The following PPP1R13B variants were observed in gnomAD, a reference collection of about 807,000 sequenced individuals.
PPP1R13B encodes the protein protein phosphatase 1 regulatory subunit 13B, also known as apoptosis-stimulating of p53 protein 1.
In PPP1R13B, 44 loss-of-function variants were observed where a neutral mutation model predicts 119.8. The observed-to-expected ratio is 0.37, with a 90% CI of 0.29 to 0.47. The LOEUF is 0.47. Among genes scored for constraint, PPP1R13B ranks in the 20% least tolerant of loss-of-function variants. The pLI is 0.99. For synonymous variants in PPP1R13B, 542 were observed against 561.5 expected, an observed-to-expected ratio of 0.97 and a Z score of 0.49; for missense variants, 1,227 against 1,413.5, an observed-to-expected ratio of 0.87 and a Z score of 2.12.
intron 1 of PPP1R13B, among the ~76,000 whole-genome samples, chr14:103,833,965 T>C (rs2086716519): frequency 6.6e-6 from 1 of 152,238 alleles, no homozygotes; most frequent in Non-Finnish European, 1.5e-5. Context: ...ACATGTTAAA[T>C]GCCTACCAGA....
chr14:103,757,701 T>C lies in PPP1R13B; in HGVS notation c.405A>G (p.Ala135=). The C allele has an allele frequency of 6.2e-7, 1 of 1,614,134 alleles. No homozygotes were observed. Among genetic ancestry groups the C allele is most frequent in the Non-Finnish European group, 8.5e-7 (1 of 1,179,986 alleles). The part of the protein sequence containing the change: ...ELTLSELQDM[A]ARQQQQIENQ... Reference sequence around the variant, plus strand: ...TTTCAATCTGCTGCTGTTGCCTAGCTGCCATATCTTGGAGCTCTGAGAGGG... The same window carrying C: ...TTTCAATCTGCTGCTGTTGCCTAGCCGCCATATCTTGGAGCTCTGAGAGGG... Residue 135 remains alanine (A), a synonymous_variant, in exon 5 of 17, where the codon GCA becomes GCG. Coordinates refer to ENST00000202556, the MANE Select transcript of PPP1R13B (RefSeq NM_015316.3).
At chr14:103,833,504 G>A (rs955882721) in intron 1 of PPP1R13B, among the ~76,000 whole-genome samples, 1 of 152,062 alleles carries the variant, frequency 6.6e-6, no homozygotes, top group African/African-American at 2.4e-5. Context: ...TTAGCTGGGT[G>A]TTGTTGTGCA....
chr14:103,790,876 G>A (rs992309067), intron 2 of PPP1R13B, among the ~76,000 whole-genome samples: 9 of 152,130 alleles, frequency 5.9e-5, no homozygotes, highest in Admixed American at 2.0e-4. Context: ...GTGTGATGGC[G>A]TGCCTGTAAT....
rs187303460 is a variant in PPP1R13B at position 103,809,477 on chromosome 14, T to C, written c.10-11959A>G. Among the ~76,000 whole-genome samples the C allele has an allele frequency of 2.6e-3, 396 of 152,162 alleles. 3 individuals are homozygous for C. Among genetic ancestry groups the C allele is most frequent in the Non-Finnish European group, 2.9e-3 (200 of 68,000 alleles). ...CAAGATGTGTCATGACTACAGGATA[T>C]AGAGGTGATACAGCTGACCACATTT... On this transcript the variant is annotated intron_variant, in intron 1 of 16. Coordinates refer to ENST00000202556, the MANE Select transcript of PPP1R13B (RefSeq NM_015316.3).
intron 1 of PPP1R13B, among the ~76,000 whole-genome samples, chr14:103,827,113 A>G (rs1431374887): frequency 6.6e-6 from 1 of 152,140 alleles, no homozygotes. Flanking sequence ...TCATGAGGTC[A>G]GGAGATCGAG....
chr14:103,797,509 T>C lies in PPP1R13B; in HGVS notation c.19A>G (p.Thr7Ala). MMPMIL[T>A]VFLSNNEQIL... is the part of the protein sequence containing the mutation. ...TGTTCATTGTTGCTCAAGAAAACAGTTAATATCATCTGTAAGACAAAAGAG... is the reference window on the plus strand; with the variant it reads ...TGTTCATTGTTGCTCAAGAAAACAGCTAATATCATCTGTAAGACAAAAGAG... Residue 7 changes from threonine (T) to alanine (A), a missense_variant, in exon 2 of 17, where the codon ACT becomes GCT. Transcript: ENST00000202556. 6.2e-7 allele frequency: 1 copy of C among 1,611,208 alleles called. No homozygotes were observed. The highest frequency in any genetic ancestry group is 8.5e-7 in the Non-Finnish European group (1 of 1,177,874).
At chr14:103,794,317 ATTTGTTT>A (rs2085701978) in intron 2 of PPP1R13B, among the ~76,000 whole-genome samples, 1 of 129,396 alleles carries the variant, frequency 7.7e-6, no homozygotes, top group Non-Finnish European at 1.6e-5. Context: ...GGGGGCAGTA[ATTTGTTT>A]TTTGTTTTTT....
rs539991229 is a variant in PPP1R13B at position 103,736,143 on chromosome 14, C to G, written c.3091G>C (p.Glu1031Gln). Residue 1031 changes from glutamate to glutamine, a missense_variant, in exon 16 of 17, where the codon GAG becomes CAG. Transcript: ENST00000202556. ...GACAGCTCGTCACTGTTCTGGGCCTCGTAGTCCCACAGAGCATACGCCACA... is the reference window on the plus strand; with the variant it reads ...GACAGCTCGTCACTGTTCTGGGCCTGGTAGTCCCACAGAGCATACGCCACA... ...KGVAYALWDY[E>Q]AQNSDELSFH... is the part of the protein sequence containing the mutation. 2 of 1,614,170 alleles carry G rather than the reference C, an allele frequency of 1.2e-6. No homozygotes were observed. Among genetic ancestry groups the G allele is most frequent in the South Asian group, 2.2e-5 (2 of 91,078 alleles).
Position 103,742,462 on chromosome 14 carries a change from C to T in PPP1R13B, c.1321-171G>A, listed in dbSNP as rs1003351322. On this transcript the variant is annotated intron_variant, in intron 10 of 16. Transcript: ENST00000202556. The surrounding 1 kb of genome is among the most constrained non-coding windows in gnomAD (Gnocchi z 4.9). ...ATTGCCTGTCTGCAAAAGTTCTGAC[C>T]GAAAGGTGTGTGTACTCGTGGGCTG... Among the ~76,000 whole-genome samples the T allele has an allele frequency of 5.3e-5, 8 of 152,264 alleles. No homozygotes were observed. In the Middle Eastern group the frequency reaches 0.017, roughly 324 times the overall value.
intron 1 of PPP1R13B, among the ~76,000 whole-genome samples, chr14:103,819,509 AAACAAAC>A (rs1417067416): frequency 9.0e-5 from 13 of 144,388 alleles, no homozygotes; most frequent in Non-Finnish European, 1.3e-4. Context: ...TAAAAAAAAC[AAACAAAC>A]AAAAAAAAAC....
At chr14:103,847,687 G>A (rs1236719376), upstream of PPP1R13B, 2 of 919,524 alleles carry the variant, frequency 2.2e-6, no homozygotes, top group South Asian at 9.9e-5. Context: ...GCGGGGGCGG[G>A]GAGAGGGGCG....
At chr14:103,786,792 T>C (rs1189773689) in intron 2 of PPP1R13B, among the ~76,000 whole-genome samples, 2 of 72,306 alleles carry the variant, frequency 2.8e-5, no homozygotes, top group African/African-American at 1.3e-4. Context: ...AAAAAAAGGC[T>C]GGTCATGGTG....
chr14:103,847,099 G>A (rs2087062568), intron 1 of PPP1R13B, 200 bp downstream of exon 1: 2 of 986,188 alleles, frequency 2.0e-6, no homozygotes, highest in Non-Finnish European at 2.4e-6. Flanking sequence ...AGGCGGCCCC[G>A]GCCCCGCGCT....
Position 103,740,834 on chromosome 14 carries a change from G to A in PPP1R13B, c.1823-241C>T, listed in dbSNP as rs1310824790. Among the ~76,000 whole-genome samples the A allele has an allele frequency of 6.6e-6, 1 of 152,194 alleles. No individual in the cohort carries two copies. Among genetic ancestry groups the A allele is most frequent in the African/African-American group, 2.4e-5 (1 of 41,442 alleles). On this transcript the variant is annotated intron_variant, in intron 11 of 16. Transcript: ENST00000202556. The surrounding 1 kb of genome is among the most constrained non-coding windows in gnomAD (Gnocchi z 4.6). ...TTTTACATTTGGGTTTCCAGAACTG[G>A]AGCTTTTTCAAAAGAAAAAAATAGG...
chr14:103,778,271 T>TTC (rs2085257078), intron 4 of PPP1R13B, among the ~76,000 whole-genome samples: 1 of 145,960 alleles, frequency 6.9e-6, no homozygotes, highest in African/African-American at 2.5e-5. Flanking sequence ...GACTTTTTTT[T>TTC]TTTTTTTTTT....
At position 103,738,362 on chromosome 14, in the gene PPP1R13B, A is replaced by C. The variant is rs1418488947; in HGVS notation, c.2864+317T>G. On this transcript the variant is annotated intron_variant, in intron 14 of 16. Transcript: ENST00000202556. This position sits in a 1 kb window ranked among gnomAD's most constrained non-coding sequence, Gnocchi z 5.6. ...GCTGAGGCTGCTTTTCACACGGAGC[A>C]CAGAGTGTGAAGAGTCCATACGGAA... The C allele has an allele frequency of 2.7e-6, 1 of 377,272 alleles. No individual in the cohort carries two copies. Among genetic ancestry groups the C allele is most frequent in the East Asian group, 5.6e-5 (1 of 17,736 alleles). 23.4% of individuals were successfully genotyped at this position (377,272 alleles called of 1,614,324 possible).
chr14:103,737,888 G>GGCCT, intron 14 of PPP1R13B, 28 bp from the exon 15 acceptor site: 5 of 1,604,548 alleles, frequency 3.1e-6, no homozygotes, highest in Non-Finnish European at 3.4e-6. Flanking sequence ...TGAAGGTGCA[G>GGCCT]GCCTGGCACT....
chr14:103,743,022 G>T, intron 9 of PPP1R13B, 199 bp from the exon 10 acceptor site: 1 of 595,256 alleles, frequency 1.7e-6, no homozygotes, highest in Non-Finnish European at 2.9e-6. Flanking sequence ...CAAGACCAAG[G>T]GACGGGCTCT....
Position 103,734,346 on chromosome 14 carries a change from C to T in PPP1R13B, c.*808G>A, listed in dbSNP as rs1357211623. The T allele has an allele frequency of 6.7e-5, 25 of 373,898 alleles. No homozygotes were observed. Among genetic ancestry groups the T allele is most frequent in the East Asian group, 2.9e-4 (4 of 13,696 alleles). 23.2% of individuals were successfully genotyped at this position (373,898 alleles called of 1,614,324 possible). ...CCCAGCCCCAACCCCAACCACCCTC[C>T]GCTGCCACGGCCTCCAGCACCTGAC... On this transcript the variant is annotated 3_prime_UTR_variant, in exon 17 of 17. Transcript: ENST00000202556.
Sources: gnomAD v4.1 joint callset for allele counts (sites outside exome capture counted in the v4.1 genomes callset) on GRCh38, gnomAD v4.1.1 for gene constraint, Gnocchi (gnomAD v3.1) non-coding constraint, MANE v1.5 for transcripts, NCBI Gene and HGNC (gene_info 2026-07-23, HGNC 2026-07-21) for gene names.